The following PTPN4 variants were observed in gnomAD, a reference collection of about 807,000 sequenced individuals.
PTPN4 encodes the protein protein tyrosine phosphatase non-receptor type 4.
In PTPN4, 49 loss-of-function variants were observed where a neutral mutation model predicts 135.5. The observed-to-expected ratio is 0.36, with a 90% CI of 0.29 to 0.46. The LOEUF (loss-of-function observed/expected upper bound fraction) is 0.46, where lower values mean the gene tolerates loss of function less well. PTPN4 is among the 20% of genes least tolerant of loss of function. The pLI, the probability that PTPN4 is intolerant of heterozygous loss-of-function variation, is 1.00. For synonymous variants in PTPN4, 333 were observed against 369.9 expected (o/e 0.90, Z 1.14); for missense variants, 860 against 1,101.0 (o/e 0.78, Z 3.10).
At chr2:119,831,273 C>T (rs1677215894) in intron 2 of PTPN4, among the ~76,000 whole-genome samples, 1 of 152,148 alleles carries the variant, frequency 6.6e-6, no homozygotes. Context: ...TCGCTCACCT[C>T]CTGCTTTGTG....
intron 1 of PTPN4, among the ~76,000 whole-genome samples, chr2:119,766,707 G>A (rs1690637666): frequency 6.6e-6 from 1 of 152,172 alleles, no homozygotes; most frequent in Admixed American, 6.5e-5. Flanking sequence ...GCAAGGATGA[G>A]GTTAGAAATG....
chr2:119,855,142 G>T (rs540301235), intron 2 of PTPN4, among the ~76,000 whole-genome samples: 1 of 152,054 alleles, frequency 6.6e-6, no homozygotes, highest in African/African-American at 2.4e-5. Flanking sequence ...CTCATCCATG[G>T]TTTTTCTAAG....
intron 10 of PTPN4, among the ~76,000 whole-genome samples, chr2:119,901,651 A>C (rs929628185): frequency 2.0e-5 from 3 of 152,230 alleles, no homozygotes; most frequent in African/African-American, 7.2e-5. Context: ...CCAGACCCAG[A>C]TATAGAAGAA....
chr2:119,963,109 G>GA (rs1558776509), intron 24 of PTPN4, among the ~76,000 whole-genome samples: 1 of 152,054 alleles, frequency 6.6e-6, no homozygotes, highest in Non-Finnish European at 1.5e-5. Flanking sequence ...TGTGGAAATG[G>GA]AAAAAACAAT....
chr2:119,903,432 A>G (rs1009874985), intron 10 of PTPN4, among the ~76,000 whole-genome samples: 1 of 151,826 alleles, frequency 6.6e-6, no homozygotes, highest in African/African-American at 2.4e-5. Flanking sequence ...AGATTGACCC[A>G]CTTAGAACTG....
intron 2 of PTPN4, among the ~76,000 whole-genome samples, chr2:119,830,940 C>G (rs186051800): frequency 6.6e-6 from 1 of 152,240 alleles, no homozygotes; most frequent in East Asian, 1.9e-4. Context: ...TATAGATTAC[C>G]CAGTCTTGGG....
chr2:119,793,890 T>C (rs1185352454), intron 1 of PTPN4, among the ~76,000 whole-genome samples: 11 of 138,520 alleles, frequency 7.9e-5, no homozygotes, highest in Admixed American at 6.7e-4. Context: ...ATAGTCTCAC[T>C]CTTCACCCAG....
At position 119,882,777 on chromosome 2, in the gene PTPN4, TA is replaced by T. The variant is rs372004437; in HGVS notation, c.587+160del. Among the ~76,000 whole-genome samples the T allele has an allele frequency of 1.4e-4, 21 of 152,282 alleles. No homozygotes were observed. The East Asian group carries it at 3.7e-3, about 27-fold the overall frequency. ...ATAAAGAAATATAGGTGATCTATGC[TA>T]AAAAACGATTTCATAGAATATATGA... On this transcript the variant is annotated intron_variant, in intron 8 of 26. Transcript: ENST00000263708.
chr2:119,888,090 T>C (rs1222958988), intron 9 of PTPN4, among the ~76,000 whole-genome samples: 1 of 152,190 alleles, frequency 6.6e-6, no homozygotes, highest in Non-Finnish European at 1.5e-5. Context: ...ACCTTCTTGG[T>C]TAAATTTATT....
intron 1 of PTPN4, among the ~76,000 whole-genome samples, chr2:119,806,227 A>G (rs1159783813): frequency 6.6e-6 from 1 of 152,220 alleles, no homozygotes; most frequent in African/African-American, 2.4e-5. Context: ...CACATATAAC[A>G]ATATTAACCT....
Position 119,982,778 on chromosome 2 carries a change from G to C in PTPN4, c.*5708G>C, listed in dbSNP as rs1164433462. On this transcript the variant is annotated 3_prime_UTR_variant, in exon 27 of 27. Coordinates refer to ENST00000263708, the MANE Select transcript of PTPN4 (RefSeq NM_002830.4). ...AACTGTGCCTAAGATTCATTACAGTGAGTATGTGCAGAGGCCCCTGACCCA... is the reference window on the plus strand; with the variant it reads ...AACTGTGCCTAAGATTCATTACAGTCAGTATGTGCAGAGGCCCCTGACCCA... 6.6e-6 allele frequency: 1 copy of C among 152,164 alleles called. No individual in the cohort carries two copies. Among genetic ancestry groups the C allele is most frequent in the Non-Finnish European group, 1.5e-5 (1 of 68,048 alleles). 9.4% of individuals were successfully genotyped at this position (152,164 alleles called of 1,614,324 possible).
At chr2:119,934,748 A>G in intron 14 of PTPN4, 52 bp from the exon 15 acceptor site, 2 of 1,565,078 alleles carry the variant, frequency 1.3e-6, no homozygotes, top group South Asian at 1.1e-5. Context: ...AGAAACTTGG[A>G]AATTTTGAAT....
chr2:119,905,473 T>A (rs1281856643), intron 10 of PTPN4, among the ~76,000 whole-genome samples: 1 of 152,176 alleles, frequency 6.6e-6, no homozygotes, highest in East Asian at 1.9e-4. Context: ...CCCAGATATA[T>A]GAAGTAAATA....
chr2:119,903,889 A>G (rs1231226130), intron 10 of PTPN4, among the ~76,000 whole-genome samples: 1 of 152,200 alleles, frequency 6.6e-6, no homozygotes, highest in East Asian at 1.9e-4. Flanking sequence ...TGAGGAACTC[A>G]CAGACACCTC....
chr2:119,880,596 A>G (rs887939620), intron 5 of PTPN4, among the ~76,000 whole-genome samples: 19 of 143,436 alleles, frequency 1.3e-4, no homozygotes, highest in African/African-American at 4.6e-4. Flanking sequence ...CGCCTGGCTA[A>G]TTTTTTTTTT....
intron 1 of PTPN4, among the ~76,000 whole-genome samples, chr2:119,771,176 C>T (rs1690727592): frequency 6.6e-6 from 1 of 152,160 alleles, no homozygotes; most frequent in South Asian, 2.1e-4. Flanking sequence ...TCAGTGAGGA[C>T]ACATGAAAGT....
chr2:119,772,263 T>C (rs1690750297), intron 1 of PTPN4, among the ~76,000 whole-genome samples: 1 of 152,324 alleles, frequency 6.6e-6, no homozygotes, highest in South Asian at 2.1e-4. Context: ...GGATCGTGAT[T>C]TGAAAAAGTT....
chr2:119,847,313 C>CATATAT (rs1429354924), intron 2 of PTPN4, among the ~76,000 whole-genome samples: 1 of 109,186 alleles, frequency 9.2e-6, no homozygotes, highest in African/African-American at 3.8e-5. Context: ...CACACACACA[C>CATATAT]ACATATATAT....
intron 2 of PTPN4, among the ~76,000 whole-genome samples, chr2:119,829,319 A>G (rs1677187734): frequency 1.3e-5 from 2 of 152,232 alleles, no homozygotes; most frequent in Admixed American, 1.3e-4. Context: ...ATTTTTAAAA[A>G]TTGTTGTAAA....
Sources: gnomAD v4.1 joint callset for allele counts (sites outside exome capture counted in the v4.1 genomes callset) on GRCh38, gnomAD v4.1.1 for gene constraint, MANE v1.5 for transcripts, NCBI Gene and HGNC (gene_info 2026-07-23, HGNC 2026-07-21) for gene names.